Variants in DOCK2 observed in about 807,000 individuals in gnomAD.
DOCK2 encodes dedicator of cytokinesis 2, also known as dedicator of cytokinesis protein 2.
Under a neutral mutation model 248.9 loss-of-function variants are expected in DOCK2, and 87 were observed. The observed-to-expected ratio is 0.35, with a 90% CI of 0.29 to 0.42. The LOEUF (loss-of-function observed/expected upper bound fraction) is 0.42, where lower values mean the gene tolerates loss of function less well. Among genes scored for constraint, DOCK2 ranks in the 10% least tolerant of loss-of-function variants. The probability of loss-of-function intolerance (pLI) is 1.00; values close to 1 mark genes in which losing one functional copy is unlikely to be tolerated. For missense variants in DOCK2, 1,747 were observed against 2,300.2 expected, an observed-to-expected ratio of 0.76 and a Z score of 4.92; for synonymous variants, 805 against 821.6, an observed-to-expected ratio of 0.98 and a Z score of 0.35.
chr5:169,700,168 TG>T, intron 13 of DOCK2, 29 bp downstream of exon 13: 1 of 1,608,268 alleles, frequency 6.2e-7, no homozygotes, highest in Admixed American at 1.7e-5. Context: ...GACCTTCCCC[TG>T]GGGACATAGG....
intron 27 of DOCK2, among the ~76,000 whole-genome samples, chr5:169,906,013 A>G (rs528993688): frequency 3.3e-4 from 51 of 152,320 alleles, no homozygotes; most frequent in Non-Finnish European, 3.4e-4. Flanking sequence ...ACAAGGTTTA[A>G]TATCTCAGCA....
intron 44 of DOCK2, among the ~76,000 whole-genome samples, chr5:170,064,906 A>T (rs2113865422): frequency 6.6e-6 from 1 of 152,340 alleles, no homozygotes; most frequent in South Asian, 2.1e-4. Context: ...CTAGTTAGTA[A>T]CGTGAAAATA....
intron 27 of DOCK2, among the ~76,000 whole-genome samples, chr5:169,970,305 A>C (rs1777454001): frequency 6.6e-6 from 1 of 152,218 alleles, no homozygotes; most frequent in Admixed American, 6.5e-5. Flanking sequence ...GTTCTGCCCC[A>C]AACCTGGATA....
chr5:169,685,587 T>A (rs1759919898), intron 8 of DOCK2, among the ~76,000 whole-genome samples: 1 of 152,192 alleles, frequency 6.6e-6, no homozygotes, highest in African/African-American at 2.4e-5. Flanking sequence ...TCTGCCTTTG[T>A]GGGAAAAATG....
chr5:169,826,575 A>C (rs1440780331), intron 26 of DOCK2, among the ~76,000 whole-genome samples: 1 of 152,142 alleles, frequency 6.6e-6, no homozygotes, highest in African/African-American at 2.4e-5. Context: ...GGAAGATCAT[A>C]ATCAGAATTC....
intron 27 of DOCK2, chr5:169,864,420 A>G (rs910516952): frequency 1.9e-6 from 3 of 1,549,780 alleles, no homozygotes; most frequent in Admixed American, 2.0e-5. Context: ...GCAAAACTTC[A>G]TGGAACCTGC....
At chr5:169,815,557 A>C (rs1768016580) in intron 26 of DOCK2, among the ~76,000 whole-genome samples, 1 of 152,200 alleles carries the variant, frequency 6.6e-6, no homozygotes. Flanking sequence ...GGCACCAAAA[A>C]TTCAGTAATC....
intron 30 of DOCK2, among the ~76,000 whole-genome samples, chr5:169,999,760 C>T (rs1459396453): frequency 6.6e-6 from 1 of 152,230 alleles, no homozygotes; most frequent in African/African-American, 2.4e-5. Flanking sequence ...GCCTGGAACA[C>T]GCCTTGTCTC....
chr5:169,752,805 G>A (rs542704633), intron 23 of DOCK2, among the ~76,000 whole-genome samples: 1 of 152,160 alleles, frequency 6.6e-6, no homozygotes, highest in Non-Finnish European at 1.5e-5. Context: ...CGTGACTCAC[G>A]CCTGTAATCC....
chr5:170,049,538 A>C (rs183152792), intron 40 of DOCK2, among the ~76,000 whole-genome samples: 22 of 152,346 alleles, frequency 1.4e-4, no homozygotes, highest in Non-Finnish European at 2.9e-4. Flanking sequence ...CATTTTAGGC[A>C]GTATGGGTGG....
intron 26 of DOCK2, among the ~76,000 whole-genome samples, chr5:169,816,038 T>C (rs1015060642): frequency 2.0e-5 from 3 of 152,156 alleles, no homozygotes; most frequent in African/African-American, 7.2e-5. Flanking sequence ...TTGAATTAAA[T>C]CTCCCCTTCG....
chr5:170,013,036 G>A (rs17738438), intron 32 of DOCK2, among the ~76,000 whole-genome samples: 3 of 151,978 alleles, frequency 2.0e-5, no homozygotes, highest in South Asian at 2.1e-4. Context: ...GTGTAGTGGG[G>A]ACTCAGGAGT....
chr5:170,069,217 G>A lies in DOCK2; in HGVS notation c.4725G>A (p.Trp1575Ter). 4 of 1,613,762 alleles carry A rather than the reference G, an allele frequency of 2.5e-6. No individual in the cohort carries two copies. The highest frequency in any genetic ancestry group is 3.4e-6 in the Non-Finnish European group (4 of 1,179,844). ...KLTHLKDLIAWQIPFLGAGIK... is the reference protein window; with the variant it reads ...KLTHLKDLIA Reference sequence around the variant, plus strand: ...CCCACCTCAAGGACCTGATTGCATGGCAGGTGAGGCAGCGCTGGCCAGGGG... The same window carrying A: ...CCCACCTCAAGGACCTGATTGCATGACAGGTGAGGCAGCGCTGGCCAGGGG... Residue 1575 changes from tryptophan to a stop codon, truncating the protein, a stop_gained, in exon 46 of 52, where the codon TGG (tryptophan) becomes TGA (stop). Transcript: ENST00000520908. LOFTEE classifies it high-confidence loss of function.
At chr5:169,964,688 C>A (rs1048039037) in intron 27 of DOCK2, among the ~76,000 whole-genome samples, 1 of 152,260 alleles carries the variant, frequency 6.6e-6, no homozygotes, top group African/African-American at 2.4e-5. Context: ...GGTGATCAGG[C>A]TGGAGCTGCC....
chr5:169,849,640 T>C (rs1004130113), intron 27 of DOCK2, among the ~76,000 whole-genome samples: 1 of 152,240 alleles, frequency 6.6e-6, no homozygotes, highest in Non-Finnish European at 1.5e-5. Flanking sequence ...CCACAAAAAC[T>C]CTAAACTTAG....
chr5:169,865,183 G>A lies in DOCK2; in HGVS notation c.2799+24331G>A, dbSNP rs532633759. ...GATGGACATTCCCAACCTCTTTTTC[G>A]TTGTTGTTGTTGTTGGCTATTTTAC... On this transcript the variant is annotated intron_variant, in intron 27 of 51. Transcript: ENST00000520908. Among the ~76,000 whole-genome samples, 89 of 152,098 alleles carry A rather than the reference G, an allele frequency of 5.9e-4. 1 individual carries two copies. The highest frequency in any genetic ancestry group is 1.8e-3 in the African/African-American group (74 of 41,482).
At chr5:169,846,379 G>T (rs1228523469) in intron 27 of DOCK2, among the ~76,000 whole-genome samples, 1 of 152,062 alleles carries the variant, frequency 6.6e-6, no homozygotes, top group Admixed American at 6.6e-5. Context: ...TTTTTCTATA[G>T]ATCAATTCCC....
chr5:170,019,180 ATT>A, intron 33 of DOCK2, 72 bp downstream of exon 33: 1 of 1,603,904 alleles, frequency 6.2e-7, no homozygotes, highest in Non-Finnish European at 8.5e-7. Context: ...TGATATCCTC[ATT>A]CCATCTCCCT....
At chr5:169,933,914 G>C (rs905498244) in intron 27 of DOCK2, among the ~76,000 whole-genome samples, 3 of 152,176 alleles carry the variant, frequency 2.0e-5, no homozygotes, top group Non-Finnish European at 4.4e-5. Context: ...ACAAACTACT[G>C]GTGTCGCCAT....
Sources: gnomAD v4.1 joint callset for allele counts (sites outside exome capture counted in the v4.1 genomes callset) on GRCh38, gnomAD v4.1.1 for gene constraint, MANE v1.5 for transcripts, NCBI Gene and HGNC (gene_info 2026-07-23, HGNC 2026-07-21) for gene names.